The following MYO1E variants were observed in gnomAD, a reference collection of about 807,000 sequenced individuals.
MYO1E encodes the protein myosin IE.
A neutral mutation model predicts 151.1 loss-of-function variants in MYO1E; 68 were observed. The observed-to-expected ratio is 0.45, with a 90% CI of 0.37 to 0.55. MYO1E has a LOEUF of 0.55. Ranked by LOEUF, MYO1E falls within the 20% of genes least tolerant of loss-of-function variation. The probability of loss-of-function intolerance (pLI) is 0.00; values close to 1 mark genes in which losing one functional copy is unlikely to be tolerated. For missense variants in MYO1E, 1,363 were observed against 1,389.3 expected (o/e 0.98, Z 0.30); for synonymous variants, 601 against 501.7 (o/e 1.20, Z -2.64).
At chr15:59,152,983 C>T (rs17269503) in intron 26 of MYO1E, among the ~76,000 whole-genome samples, 7,455 of 152,270 alleles carry the variant, frequency 0.049, 238 homozygotes, top group African/African-American at 0.09. Flanking sequence ...TCCATCCCTA[C>T]GACTCCACAG....
At chr15:59,235,343 G>A (rs1266179063) in intron 5 of MYO1E, among the ~76,000 whole-genome samples, 1 of 152,140 alleles carries the variant, frequency 6.6e-6, no homozygotes. Context: ...AGTTTCTTGT[G>A]TATACTTCGA....
Position 59,171,883 on chromosome 15 carries a change from C to T in MYO1E, c.2480+14G>A. On this transcript the variant is annotated intron_variant, in intron 22 of 27. Transcript: ENST00000288235. ...GAGAAGGGGCAGTCCTGCCTCTGCACCTCCACTACTCACCTGAGGGACACA... is the reference window on the plus strand; with the variant it reads ...GAGAAGGGGCAGTCCTGCCTCTGCATCTCCACTACTCACCTGAGGGACACA... 1 of 1,614,162 alleles carries T rather than the reference C, an allele frequency of 6.2e-7. No homozygotes were observed.
In MYO1E at chr15:59,219,738, G is replaced by A. The variant is rs192162314; in HGVS notation, c.911-1651C>T. Among the ~76,000 whole-genome samples the A allele has an allele frequency of 1.8e-3, 273 of 152,302 alleles. 2 individuals carry two copies. Among genetic ancestry groups the A allele is most frequent in the South Asian group, 2.5e-3 (12 of 4,830 alleles). Reference sequence around the variant, plus strand: ...ACTGTTAACACATGTCTAGGAATCTGGATATGTCTTCCAGTGAACTAAACG... The same window carrying A: ...ACTGTTAACACATGTCTAGGAATCTAGATATGTCTTCCAGTGAACTAAACG... On this transcript the variant is annotated intron_variant, in intron 9 of 27. Transcript: ENST00000288235.
chr15:59,315,712 T>C (rs1302536025), intron 1 of MYO1E, among the ~76,000 whole-genome samples: 1 of 152,210 alleles, frequency 6.6e-6, no homozygotes, highest in African/African-American at 2.4e-5. Flanking sequence ...GTATGTGCAA[T>C]GATTAGTTAA....
chr15:59,220,208 G>C (rs1447256899), intron 9 of MYO1E, among the ~76,000 whole-genome samples: 18 of 152,204 alleles, frequency 1.2e-4, no homozygotes, highest in African/African-American at 4.3e-4. Flanking sequence ...CTGCACTTTG[G>C]GAGGCCCAGG....
At chr15:59,240,546 T>C (rs182108380) in intron 4 of MYO1E, among the ~76,000 whole-genome samples, 1 of 152,386 alleles carries the variant, frequency 6.6e-6, no homozygotes, top group East Asian at 1.9e-4. Flanking sequence ...AAGTCAATAG[T>C]ATTTTCTATT....
chr15:59,153,626 A>C lies in MYO1E; in HGVS notation c.3044T>G (p.Leu1015Arg). Residue 1015 changes from leucine (L) to arginine (R), a missense_variant, in exon 26 of 28, where the codon CTG (leucine) becomes CGG (arginine). Coordinates refer to ENST00000288235, the MANE Select transcript of MYO1E (RefSeq NM_004998.4). ...CTGGTCCGGGACCTTGAGGAAATCC[A>C]GGCTCTCTGGCGTCTGTGACACTCG... ...SDRVSQTPESLDFLKVPDQGA... is the reference protein window; with the variant it reads ...SDRVSQTPESRDFLKVPDQGA... 1 of 1,614,152 alleles carries C rather than the reference A, an allele frequency of 6.2e-7. No individual in the cohort carries two copies. Among genetic ancestry groups the C allele is most frequent in the Non-Finnish European group, 8.5e-7 (1 of 1,180,030 alleles).
chr15:59,231,299 A>G (rs564622268), intron 6 of MYO1E, among the ~76,000 whole-genome samples: 40 of 152,302 alleles, frequency 2.6e-4, no homozygotes, highest in African/African-American at 9.4e-4. Flanking sequence ...TTCAGAGTCT[A>G]TGGACCAAGT....
intron 5 of MYO1E, 48 bp downstream of exon 5, chr15:59,236,537 T>TA (rs1566988432): frequency 6.7e-7 from 1 of 1,501,162 alleles, no homozygotes; most frequent in South Asian, 1.1e-5. Context: ...TGGAGCCTCT[T>TA]ACATTTCCCA....
In MYO1E at chr15:59,172,011, T is replaced by A; in HGVS notation, c.2366A>T (p.Lys789Met). 6.2e-7 allele frequency: 1 copy of A among 1,614,192 alleles called. No homozygotes were observed. Among genetic ancestry groups the A allele is most frequent in the South Asian group, 1.1e-5 (1 of 91,088 alleles). Residue 789 changes from lysine (K) to methionine (M), a missense_variant, in exon 22 of 28, where the codon AAG becomes ATG. Physicochemically the swap from Lys to Met is moderately conservative, Grantham distance 95. Transcript: ENST00000288235. The stretch of plus-strand genomic sequence containing the variant: ...TTCTCGTCCGATTAAGTACAAGCAC[T>A]TTGGGGTAAGGAGCAGGTCTCGCTT... ...GVKRDLLLTP[K>M]CLYLIGREKV...
intron 4 of MYO1E, among the ~76,000 whole-genome samples, chr15:59,246,888 G>A (rs550315199): frequency 6.6e-6 from 1 of 152,300 alleles, no homozygotes; most frequent in South Asian, 2.1e-4. Context: ...AACTAAGTCT[G>A]TGCGTCATTT....
At chr15:59,288,767 G>A (rs2080402279) in intron 1 of MYO1E, among the ~76,000 whole-genome samples, 1 of 106,356 alleles carries the variant, frequency 9.4e-6, no homozygotes, top group Non-Finnish European at 2.3e-5. Flanking sequence ...CACTATAAAT[G>A]TGAGTCAATT....
intron 4 of MYO1E, among the ~76,000 whole-genome samples, chr15:59,240,386 G>A (rs763023556): frequency 2.1e-5 from 3 of 143,802 alleles, no homozygotes; most frequent in Non-Finnish European, 3.0e-5. Context: ...GTCTGTGTGT[G>A]GGGGGGGTCT....
chr15:59,358,726 T>C (rs2080868390), intron 1 of MYO1E, among the ~76,000 whole-genome samples: 1 of 152,240 alleles, frequency 6.6e-6, no homozygotes, highest in South Asian at 2.1e-4. Flanking sequence ...ACATATTTAT[T>C]TGGAGTCTGT....
chr15:59,218,170 T>A, intron 9 of MYO1E, 83 bp from the exon 10 acceptor site: 1 of 1,511,424 alleles, frequency 6.6e-7, no homozygotes, highest in Non-Finnish European at 9.2e-7. Flanking sequence ...GAGGCACTTA[T>A]GTGCACATGC....
chr15:59,214,124 T>C (rs1479602159), intron 12 of MYO1E, 104 bp downstream of exon 12: 7 of 911,760 alleles, frequency 7.7e-6, no homozygotes, highest in East Asian at 2.7e-5. Context: ...CATTTCCTAA[T>C]ATAAGACTGG....
intron 1 of MYO1E, among the ~76,000 whole-genome samples, chr15:59,332,959 C>T (rs2080706824): frequency 6.6e-6 from 1 of 152,152 alleles, no homozygotes; most frequent in Non-Finnish European, 1.5e-5. Flanking sequence ...AACCTAACAG[C>T]TCTCCATCTT....
chr15:59,208,190 A>C (rs763042623), intron 14 of MYO1E: 20 of 1,059,446 alleles, frequency 1.9e-5, no homozygotes, highest in Non-Finnish European at 2.6e-5. Flanking sequence ...TGGAAACAGG[A>C]AAGTAGGTAG....
chr15:59,334,965 T>A (rs1193098225), intron 1 of MYO1E, among the ~76,000 whole-genome samples: 1 of 152,182 alleles, frequency 6.6e-6, no homozygotes, highest in Non-Finnish European at 1.5e-5. Flanking sequence ...GGAAGCCTAT[T>A]TGCAAAAAAC....
Sources: allele counts gnomAD v4.1 joint callset (sites outside exome capture counted in the v4.1 genomes callset), GRCh38; gene constraint gnomAD v4.1.1; transcripts MANE v1.5; gene names NCBI Gene and HGNC (gene_info 2026-07-23, HGNC 2026-07-21).